The following KCNIP4 variants were observed in gnomAD, a reference collection of about 807,000 sequenced individuals.
KCNIP4 encodes the protein Kv channel-interacting protein 4.
A neutral mutation model predicts 34.0 loss-of-function variants in KCNIP4; 12 were observed. That is an observed-to-expected ratio of 0.35 (90% CI 0.23 to 0.57). The LOEUF (loss-of-function observed/expected upper bound fraction) is 0.57, where lower values mean the gene tolerates loss of function less well. Among genes scored for constraint, KCNIP4 ranks in the 20% least tolerant of loss-of-function variants. The pLI is 0.83. For missense variants in KCNIP4, 238 were observed against 311.7 expected, an observed-to-expected ratio of 0.76 and a Z score of 1.78; for synonymous variants, 124 against 102.2, an observed-to-expected ratio of 1.21 and a Z score of -1.29.
At chr4:21,305,389 T>C (rs1249301917) in intron 1 of KCNIP4, among the ~76,000 whole-genome samples, 1 of 152,190 alleles carries the variant, frequency 6.6e-6, no homozygotes. Flanking sequence ...TAATAGCACC[T>C]AGCTCATCAC....
At chr4:21,423,364 G>A (rs1265513171) in intron 1 of KCNIP4, among the ~76,000 whole-genome samples, 2 of 152,190 alleles carry the variant, frequency 1.3e-5, no homozygotes, top group Admixed American at 1.3e-4. Context: ...AAGCGAGAAC[G>A]TGAGTTCACT....
chr4:21,592,438 T>A (rs768116278), intron 1 of KCNIP4, among the ~76,000 whole-genome samples: 3 of 152,158 alleles, frequency 2.0e-5, no homozygotes, highest in Non-Finnish European at 4.4e-5. Flanking sequence ...TCTCACAAGT[T>A]TTCTTAGACA....
chr4:20,814,464 A>T (rs1045870570), intron 3 of KCNIP4, among the ~76,000 whole-genome samples: 1 of 152,190 alleles, frequency 6.6e-6, no homozygotes, highest in African/African-American at 2.4e-5. Flanking sequence ...CACTTTAACC[A>T]GAGAGCAACA....
At chr4:21,836,974 G>C (rs959793947) in intron 1 of KCNIP4, among the ~76,000 whole-genome samples, 4 of 142,826 alleles carry the variant, frequency 2.8e-5, no homozygotes, top group Non-Finnish European at 6.0e-5. Context: ...CTGGAATGCA[G>C]TGGCACGATC....
intron 1 of KCNIP4, among the ~76,000 whole-genome samples, chr4:21,727,571 G>C (rs1486803532): frequency 6.6e-6 from 1 of 152,108 alleles, no homozygotes; most frequent in East Asian, 1.9e-4. Flanking sequence ...GCTCATGTCT[G>C]TAATCCTAGC....
chr4:21,191,867 A>G (rs192438011), intron 1 of KCNIP4, among the ~76,000 whole-genome samples: 487 of 152,340 alleles, frequency 3.2e-3, no homozygotes, highest in African/African-American at 0.011. Flanking sequence ...CACACAATGA[A>G]TGGCAGAGAT....
intron 1 of KCNIP4, among the ~76,000 whole-genome samples, chr4:21,502,123 A>G (rs1733416551): frequency 1.3e-5 from 2 of 152,080 alleles, no homozygotes; most frequent in African/African-American, 2.4e-5. Flanking sequence ...GTTCAAAATT[A>G]TGAGAGCAGT....
chr4:21,243,800 A>C (rs991815367), intron 1 of KCNIP4, among the ~76,000 whole-genome samples: 3 of 152,112 alleles, frequency 2.0e-5, no homozygotes, highest in Non-Finnish European at 4.4e-5. Context: ...CAAAACCAAA[A>C]ATCAACAAAA....
intron 3 of KCNIP4, among the ~76,000 whole-genome samples, chr4:20,834,657 T>C (rs1394230625): frequency 1.3e-5 from 2 of 150,268 alleles, no homozygotes; most frequent in Non-Finnish European, 3.0e-5. Context: ...GTGGAGGAGA[T>C]GGTTGTTAGC....
intron 1 of KCNIP4, among the ~76,000 whole-genome samples, chr4:21,539,544 C>T (rs1737495829): frequency 6.6e-6 from 1 of 152,078 alleles, no homozygotes; most frequent in Admixed American, 6.6e-5. Flanking sequence ...CCATAATGCC[C>T]AATGACTTTG....
At chr4:20,915,893 C>A (rs1042089108) in intron 1 of KCNIP4, among the ~76,000 whole-genome samples, 1 of 151,990 alleles carries the variant, frequency 6.6e-6, no homozygotes, top group African/African-American at 2.4e-5. Flanking sequence ...TGCTTTAATG[C>A]CAGAAAACAA....
intron 1 of KCNIP4, among the ~76,000 whole-genome samples, chr4:21,105,092 C>T (rs1748383326): frequency 1.3e-5 from 2 of 151,522 alleles, no homozygotes; most frequent in South Asian, 4.1e-4. Context: ...TTTTTTGGTT[C>T]CATATGAACC....
At chr4:20,948,300 G>C (rs1732411201) in intron 1 of KCNIP4, among the ~76,000 whole-genome samples, 1 of 152,208 alleles carries the variant, frequency 6.6e-6, no homozygotes, top group Non-Finnish European at 1.5e-5. Context: ...AATTTAATAA[G>C]TATTGACCCA....
In KCNIP4 at chr4:21,895,443, G is replaced by A. The variant is rs148940437; in HGVS notation, c.61+53128C>T. Reference sequence around the variant, plus strand: ...GAAAACATGAGATACTAAGAGTTACGCTATCTACATTCAAACGTCAGCTCT... The same window carrying A: ...GAAAACATGAGATACTAAGAGTTACACTATCTACATTCAAACGTCAGCTCT... On this transcript the variant is annotated intron_variant, in intron 1 of 8. Coordinates refer to ENST00000382152, the MANE Select transcript of KCNIP4 (RefSeq NM_025221.6). 4.3e-3 allele frequency among the ~76,000 whole-genome samples: 656 copies of A among 152,172 alleles called. 4 individuals are homozygous for A. Among genetic ancestry groups the A allele is most frequent in the Middle Eastern group, 0.014 (4 of 294 alleles).
intron 1 of KCNIP4, among the ~76,000 whole-genome samples, chr4:21,104,155 G>A (rs1178989639): frequency 2.0e-5 from 3 of 146,592 alleles, no homozygotes; most frequent in African/African-American, 5.3e-5. Flanking sequence ...CTAAGGAATC[G>A]CCACACTGTC....
rs1447463552 is a variant in KCNIP4, at chr4:21,529,638, G to A, written c.61+418933C>T. 2.0e-5 allele frequency among the ~76,000 whole-genome samples: 3 copies of A among 152,132 alleles called. No homozygotes were observed. In the South Asian group the frequency reaches 6.2e-4, roughly 32 times the overall value. On this transcript the variant is annotated intron_variant, in intron 1 of 8. Transcript: ENST00000382152. ...TTATACTTTTTAAGACACCCTGGAT[G>A]GTAGTAAATCCTTGGATTCCATTTC...
intron 1 of KCNIP4, among the ~76,000 whole-genome samples, chr4:21,456,157 T>C (rs1046594258): frequency 4.8e-5 from 7 of 147,104 alleles, no homozygotes; most frequent in African/African-American, 1.9e-4. Context: ...GCACTTGATA[T>C]GGTATTACCT....
intron 1 of KCNIP4, among the ~76,000 whole-genome samples, chr4:21,878,322 T>C (rs998866816): frequency 2.0e-5 from 3 of 152,162 alleles, no homozygotes; most frequent in African/African-American, 7.2e-5. Flanking sequence ...GCGATCCACC[T>C]GCCTCGACCT....
At chr4:21,243,986 A>G (rs977339706) in intron 1 of KCNIP4, among the ~76,000 whole-genome samples, 7 of 152,200 alleles carry the variant, frequency 4.6e-5, no homozygotes, top group African/African-American at 1.7e-4. Flanking sequence ...AAGTTGTAGC[A>G]AACATGGATA....
Sources: gnomAD v4.1 joint callset for allele counts (sites outside exome capture counted in the v4.1 genomes callset) on GRCh38, gnomAD v4.1.1 for gene constraint, MANE v1.5 for transcripts, NCBI Gene and HGNC (gene_info 2026-07-23, HGNC 2026-07-21) for gene names.